TRDN: variants seen among roughly 807,000 people sequenced by gnomAD.
The protein encoded by TRDN is triadin in skeletal muscle.
A neutral mutation model predicts 149.7 loss-of-function variants in TRDN; 161 were observed. That is an observed-to-expected ratio of 1.08 (90% CI 0.95 to 1.23). TRDN has a LOEUF of 1.23. Among genes scored for constraint, TRDN ranks in the 50% most tolerant of loss-of-function variants. TRDN has a pLI of 0.00. For missense variants in TRDN, 896 were observed against 823.5 expected (o/e 1.09, Z -1.08); for synonymous variants, 294 against 250.5 (o/e 1.17, Z -1.64).
chr6:123,303,154 T>A (rs2114674248), intron 24 of TRDN, among the ~76,000 whole-genome samples: 1 of 152,234 alleles, frequency 6.6e-6, no homozygotes, highest in African/African-American at 2.4e-5. Context: ...TGTAAACCAC[T>A]CCATATCAAT....
chr6:123,508,333 A>G (rs1432418598), intron 7 of TRDN, among the ~76,000 whole-genome samples: 1 of 152,230 alleles, frequency 6.6e-6, no homozygotes, highest in Non-Finnish European at 1.5e-5. Context: ...TTGCACACGT[A>G]TTAATATTAA....
At chr6:123,576,808 A>G (rs1401054825) in intron 1 of TRDN, among the ~76,000 whole-genome samples, 3 of 152,104 alleles carry the variant, frequency 2.0e-5, no homozygotes, top group Non-Finnish European at 2.9e-5. Flanking sequence ...CCACTAGAAA[A>G]AGAAATTCAC....
chr6:123,494,830 T>C (rs990762384), intron 9 of TRDN, among the ~76,000 whole-genome samples: 21 of 151,856 alleles, frequency 1.4e-4, no homozygotes, highest in African/African-American at 4.6e-4. Context: ...CTCTCCCAGG[T>C]TCAAGCAATT....
chr6:123,548,568 G>T lies in TRDN; in HGVS notation c.277C>A (p.Arg93Ser), dbSNP rs370788759. 18 of 1,554,872 alleles carry T rather than the reference G, an allele frequency of 1.2e-5. No homozygotes were observed. Among genetic ancestry groups the T allele is most frequent in the African/African-American group, 2.8e-5 (2 of 72,714 alleles). The change falls in exon 3 of 41, where the codon CGT (arginine) becomes AGT (serine). Residue 93 changes from arginine (R) to serine (S), a missense_variant. By Grantham distance (110) the Arg-to-Ser change is moderately radical. Coordinates refer to ENST00000334268, the MANE Select transcript of TRDN (RefSeq NM_006073.4). Reference protein sequence around the residue: ...KIGSDPLKLVRDAMEETTDWI... With the variant: ...KIGSDPLKLVSDAMEETTDWI... Reference sequence around the variant, plus strand: ...TCCGTGGTTTCCTCCATAGCATCACGTACCAGTTTTAAAGGATCTGAGCCA... The same window carrying T: ...TCCGTGGTTTCCTCCATAGCATCACTTACCAGTTTTAAAGGATCTGAGCCA...
At chr6:123,370,223 C>T (rs1205908831) in intron 19 of TRDN, among the ~76,000 whole-genome samples, 1 of 151,990 alleles carries the variant, frequency 6.6e-6, no homozygotes, top group Non-Finnish European at 1.5e-5. Flanking sequence ...CTCAAAGTTA[C>T]AGTTGTTCTA....
chr6:123,373,041 A>T (rs767129326), intron 19 of TRDN, among the ~76,000 whole-genome samples: 2 of 152,276 alleles, frequency 1.3e-5, no homozygotes, highest in Non-Finnish European at 2.9e-5. Flanking sequence ...ATGTGGAAGC[A>T]TGGAGTGCTC....
intron 1 of TRDN, among the ~76,000 whole-genome samples, chr6:123,603,217 A>G (rs1023179182): frequency 7.3e-6 from 1 of 136,982 alleles, no homozygotes; most frequent in African/African-American, 3.2e-5. Flanking sequence ...AGAAATGAAC[A>G]GGCTGATTTA....
At chr6:123,528,787 G>C in intron 5 of TRDN, 1 of 993,236 alleles carries the variant, frequency 1.0e-6, no homozygotes. Context: ...GAAATCTTTT[G>C]TTCATATTCA....
intron 12 of TRDN, among the ~76,000 whole-genome samples, chr6:123,419,824 T>A (rs879810401): frequency 6.6e-6 from 1 of 152,206 alleles, no homozygotes; most frequent in Non-Finnish European, 1.5e-5. Flanking sequence ...CAAGTGCTAA[T>A]GGTCATTGAA....
intron 1 of TRDN, among the ~76,000 whole-genome samples, chr6:123,630,676 A>C (rs950075884): frequency 2.0e-5 from 3 of 151,980 alleles, no homozygotes; most frequent in African/African-American, 7.2e-5. Context: ...TGGGGAGAAA[A>C]ATAGTTCCTA....
intron 21 of TRDN, among the ~76,000 whole-genome samples, chr6:123,339,296 T>C (rs1779984063): frequency 6.6e-6 from 1 of 152,146 alleles, no homozygotes; most frequent in East Asian, 1.9e-4. Context: ...TGAGCCACCA[T>C]GCCCGGCCAT....
chr6:123,471,764 A>T (rs867530328), intron 9 of TRDN: 1 of 152,240 alleles, frequency 6.6e-6, no homozygotes, highest in Non-Finnish European at 1.5e-5. Flanking sequence ...AGGTAATATT[A>T]GTGTTTTTTT....
chr6:123,254,963 A>G, intron 37 of TRDN, 118 bp downstream of exon 37: 1 of 646,868 alleles, frequency 1.5e-6, no homozygotes, highest in Non-Finnish European at 2.8e-6. Flanking sequence ...CTCTGCTATT[A>G]AGAGAAGTTT....
intron 9 of TRDN, among the ~76,000 whole-genome samples, chr6:123,487,784 C>T (rs1778038540): frequency 6.6e-6 from 1 of 152,006 alleles, no homozygotes; most frequent in Admixed American, 6.6e-5. Context: ...TCATTTTCTC[C>T]TTCATTCACA....
chr6:123,488,521 C>T (rs1308750750), intron 9 of TRDN, among the ~76,000 whole-genome samples: 1 of 152,128 alleles, frequency 6.6e-6, no homozygotes, highest in Non-Finnish European at 1.5e-5. Context: ...TCTAAATAAT[C>T]TTTTACTTTC....
chr6:123,494,549 TAATAG>T (rs1778352030), intron 9 of TRDN, among the ~76,000 whole-genome samples: 1 of 152,188 alleles, frequency 6.6e-6, no homozygotes, highest in Non-Finnish European at 1.5e-5. Flanking sequence ...ATTTTAAAAC[TAATAG>T]AATATGAAGA....
intron 1 of TRDN, among the ~76,000 whole-genome samples, chr6:123,619,411 G>A (rs1785266522): frequency 6.6e-6 from 1 of 152,098 alleles, no homozygotes; most frequent in Admixed American, 6.6e-5. Context: ...TGCAGGTCAA[G>A]GTCTTGGTCT....
intron 6 of TRDN, among the ~76,000 whole-genome samples, chr6:123,515,371 ATTAACT>A (rs1204092640): frequency 6.6e-6 from 1 of 152,044 alleles, no homozygotes; most frequent in East Asian, 1.9e-4. Flanking sequence ...TAAAAATTAA[ATTAACT>A]TTAACAATTA....
intron 24 of TRDN, among the ~76,000 whole-genome samples, chr6:123,285,156 A>G (rs1777753605): frequency 6.6e-6 from 1 of 152,024 alleles, no homozygotes; most frequent in African/African-American, 2.4e-5. Flanking sequence ...CCATCAAAAT[A>G]CCATCATTAT....
Sources: allele counts gnomAD v4.1 joint callset (sites outside exome capture counted in the v4.1 genomes callset), GRCh38; gene constraint gnomAD v4.1.1; transcripts MANE v1.5; gene names NCBI Gene and HGNC (gene_info 2026-07-23, HGNC 2026-07-21).